The following RAPGEF1 variants were observed in gnomAD, a reference collection of about 807,000 sequenced individuals.
The protein encoded by RAPGEF1 is CRK SH3-binding GNRP.
Under a neutral mutation model 143.3 loss-of-function variants are expected in RAPGEF1, and 33 were observed. That is an observed-to-expected ratio of 0.23 (90% CI 0.17 to 0.31). The LOEUF (loss-of-function observed/expected upper bound fraction) is 0.31. Among genes scored for constraint, RAPGEF1 ranks in the 10% least tolerant of loss-of-function variants. The pLI, the probability that RAPGEF1 is intolerant of heterozygous loss-of-function variation, is 1.00. For synonymous variants in RAPGEF1, 629 were observed against 676.5 expected, an observed-to-expected ratio of 0.93 and a Z score of 1.09; for missense variants, 1,199 against 1,645.4, an observed-to-expected ratio of 0.73 and a Z score of 4.69.
At chr9:131,647,680 C>T (rs539408715) in intron 3 of RAPGEF1, among the ~76,000 whole-genome samples, 4 of 152,180 alleles carry the variant, frequency 2.6e-5, no homozygotes, top group Admixed American at 6.5e-5. Flanking sequence ...TGGGCCTCCA[C>T]GAAGCAAGAG....
At position 131,689,726 on chromosome 9, in the gene RAPGEF1, CG is replaced by C. The variant is rs1031994218; in HGVS notation, c.62-38778del. 2.4e-4 allele frequency among the ~76,000 whole-genome samples: 36 copies of C among 151,926 alleles called. 1 individual carries two copies. Among genetic ancestry groups the C allele is most frequent in the Admixed American group, 2.0e-3 (30 of 15,238 alleles). ...GCTAATTTTTGTATTTTAGTAGAGA[CG>C]GGGTTTCACTGTGTTGTCCAGGCTG... is the stretch of plus-strand genomic sequence containing the variant. On this transcript the variant is annotated intron_variant, in intron 1 of 26. Transcript: ENST00000683357.
At position 131,602,153 on chromosome 9, in the gene RAPGEF1, G is replaced by A. The variant is rs1171916447; in HGVS notation, c.2413-4C>T. ...CGTCTTTCCCAGCCGGTGGCTCCTG[G>A]AAAGAGGAGTGGGTGCTGAGTTCTG... On this transcript the variant is annotated splice_region_variant and splice_polypyrimidine_tract_variant and intron_variant, in intron 14 of 26. Coordinates refer to ENST00000683357, the MANE Select transcript of RAPGEF1 (RefSeq NM_001377935.1). 1 of 1,578,164 alleles carries A rather than the reference G, an allele frequency of 6.3e-7. No homozygotes were observed. The highest frequency in any genetic ancestry group is 8.6e-7 in the Non-Finnish European group (1 of 1,162,272).
chr9:131,705,308 T>C (rs1834967759), intron 1 of RAPGEF1, among the ~76,000 whole-genome samples: 1 of 151,662 alleles, frequency 6.6e-6, no homozygotes, highest in Non-Finnish European at 1.5e-5. Context: ...GACAAAACAA[T>C]GAACCCTGCG....
chr9:131,660,629 C>A (rs369944101), intron 1 of RAPGEF1, among the ~76,000 whole-genome samples: 2 of 152,110 alleles, frequency 1.3e-5, no homozygotes, highest in Non-Finnish European at 2.9e-5. Context: ...GGCCTGTCTG[C>A]GCCCTTGTAT....
chr9:131,696,284 G>C (rs1834170411), intron 1 of RAPGEF1, among the ~76,000 whole-genome samples: 1 of 152,208 alleles, frequency 6.6e-6, no homozygotes, highest in Non-Finnish European at 1.5e-5. Flanking sequence ...GACCATCCTG[G>C]AGAAGACATA....
intron 16 of RAPGEF1, among the ~76,000 whole-genome samples, chr9:131,596,788 C>T (rs750826742): frequency 2.0e-4 from 31 of 152,182 alleles, no homozygotes; most frequent in South Asian, 4.1e-4. Flanking sequence ...CCTGTGGAGG[C>T]AGCAGGACTA....
At position 131,630,155 on chromosome 9, in the gene RAPGEF1, C is replaced by G. The variant is rs1395024211; in HGVS notation, c.740+81G>C. 3.1e-6 allele frequency: 4 copies of G among 1,290,434 alleles called. No homozygotes were observed. The African/African-American group carries it at 5.8e-5, about 19-fold the overall frequency. 79.9% of individuals were successfully genotyped at this position (1,290,434 alleles called of 1,614,324 possible). A position where few individuals can be genotyped will look rare whatever the true frequency, so the allele number is the denominator to read the frequency against. On this transcript the variant is annotated intron_variant, in intron 6 of 26. Coordinates refer to ENST00000683357, the MANE Select transcript of RAPGEF1 (RefSeq NM_001377935.1). ...AGCAGCCCACCCTCATGCTGCCCAC[C>G]CCACCGGGCCCTATCCTTGTCAAGT...
At chr9:131,737,289 C>T (rs1837480462) in intron 1 of RAPGEF1, 1 of 1,544,166 alleles carries the variant, frequency 6.5e-7, no homozygotes, top group African/African-American at 1.4e-5. Flanking sequence ...CCCCTCTCTC[C>T]TCTTTCTCCC....
intron 1 of RAPGEF1, among the ~76,000 whole-genome samples, chr9:131,706,411 C>A (rs995594361): frequency 6.6e-6 from 1 of 152,014 alleles, no homozygotes; most frequent in African/African-American, 2.4e-5. Flanking sequence ...TACTTGCGCG[C>A]GCCACCATGC....
At position 131,621,488 on chromosome 9, in the gene RAPGEF1, C is replaced by A. The variant is rs1359520613; in HGVS notation, c.1905+308G>T. Reference sequence around the variant, plus strand: ...AAGCCAAAGAAGAAAGAAAAAAATACAAGAGACTGTCAGCAGAGAGAGCAA... The same window carrying A: ...AAGCCAAAGAAGAAAGAAAAAAATAAAAGAGACTGTCAGCAGAGAGAGCAA... On this transcript the variant is annotated intron_variant, in intron 11 of 26. Transcript: ENST00000683357. The surrounding 1 kb of genome is among the most constrained non-coding windows in gnomAD (Gnocchi z 4.5). Among the ~76,000 whole-genome samples, 1 of 152,208 alleles carries A rather than the reference C, an allele frequency of 6.6e-6. No individual in the cohort carries two copies. The highest frequency in any genetic ancestry group is 1.5e-5 in the Non-Finnish European group (1 of 68,040).
chr9:131,688,108 G>A (rs764786776), intron 1 of RAPGEF1, among the ~76,000 whole-genome samples: 16 of 152,184 alleles, frequency 1.1e-4, no homozygotes, highest in African/African-American at 2.7e-4. Context: ...AGGTTAGTTC[G>A]TGCACAGTTA....
chr9:131,696,087 T>A (rs1176370565), intron 1 of RAPGEF1, among the ~76,000 whole-genome samples: 1 of 152,138 alleles, frequency 6.6e-6, no homozygotes, highest in Non-Finnish European at 1.5e-5. Context: ...GACCCTCACC[T>A]GTGACCTCGC....
chr9:131,728,534 A>G (rs898997341), intron 1 of RAPGEF1, among the ~76,000 whole-genome samples: 4 of 152,328 alleles, frequency 2.6e-5, no homozygotes, highest in South Asian at 2.1e-4. Flanking sequence ...GTCTGCCTGC[A>G]TGCACTGGGA....
chr9:131,660,455 A>C (rs1488806653), intron 1 of RAPGEF1, among the ~76,000 whole-genome samples: 1 of 137,914 alleles, frequency 7.3e-6, no homozygotes, highest in Non-Finnish European at 1.6e-5. Flanking sequence ...TTTTTTTTTA[A>C]ACAACAAGCC....
intron 1 of RAPGEF1, among the ~76,000 whole-genome samples, chr9:131,671,686 G>C (rs1452571327): frequency 6.6e-6 from 1 of 152,182 alleles, no homozygotes; most frequent in African/African-American, 2.4e-5. Flanking sequence ...CATGAATGGA[G>C]GCCCTGGAAC....
intron 9 of RAPGEF1, among the ~76,000 whole-genome samples, chr9:131,626,629 A>G (rs1199028863): frequency 6.6e-6 from 1 of 152,174 alleles, no homozygotes; most frequent in Non-Finnish European, 1.5e-5. Flanking sequence ...TGTTTGCTAT[A>G]CTTTTATTTT....
intron 1 of RAPGEF1, among the ~76,000 whole-genome samples, chr9:131,697,856 C>G (rs1242820793): frequency 6.6e-6 from 1 of 152,128 alleles, no homozygotes; most frequent in Non-Finnish European, 1.5e-5. Flanking sequence ...GGAAGAGGAC[C>G]TGGGCAGAGG....
At chr9:131,719,721 T>C (rs925962492) in intron 1 of RAPGEF1, among the ~76,000 whole-genome samples, 26 of 152,090 alleles carry the variant, frequency 1.7e-4, no homozygotes, top group Admixed American at 1.4e-3. Context: ...AGGATACTGT[T>C]ACTGTTCTCA....
chr9:131,586,845 C>A (rs1953055125), intron 22 of RAPGEF1, among the ~76,000 whole-genome samples: 1 of 110,820 alleles, frequency 9.0e-6, no homozygotes, highest in Non-Finnish European at 1.8e-5. Flanking sequence ...GTCTCAAACA[C>A]ACACACACAC....
Sources: allele counts gnomAD v4.1 joint callset (sites outside exome capture counted in the v4.1 genomes callset), GRCh38; gene constraint gnomAD v4.1.1; non-coding constraint Gnocchi (gnomAD v3.1); transcripts MANE v1.5; gene names NCBI Gene and HGNC (gene_info 2026-07-23, HGNC 2026-07-21).